DLG2: variants seen among roughly 807,000 people sequenced by gnomAD.
DLG2 encodes the protein disks large homolog 2.
Under a neutral mutation model 132.5 loss-of-function variants are expected in DLG2, and 45 were observed. That is an observed-to-expected ratio of 0.34 (90% confidence interval 0.27 to 0.44). The LOEUF (loss-of-function observed/expected upper bound fraction) is 0.44. Among genes scored for constraint, DLG2 ranks in the 20% least tolerant of loss-of-function variants. DLG2 has a pLI of 1.00. For synonymous variants in DLG2, 424 were observed against 419.6 expected (o/e 1.01, Z -0.13); for missense variants, 1,045 against 1,196.9 (o/e 0.87, Z 1.87).
At position 85,598,366 on chromosome 11, in the gene DLG2, G is replaced by A. The variant is rs368316859; in HGVS notation, c.40+291C>T. ...CAATGTTTTATAACACACTACTCAG[G>A]GTTTTCTTCTGTGTAAACTTTTCTT... On this transcript the variant is annotated intron_variant, in intron 3 of 27. Coordinates refer to ENST00000376104, the MANE Select transcript of DLG2 (RefSeq NM_001142699.3). Among the ~76,000 whole-genome samples the A allele has an allele frequency of 1.3e-3, 201 of 151,746 alleles. 1 individual carries two copies. Among genetic ancestry groups the A allele is most frequent in the African/African-American group, 4.8e-3 (199 of 41,394 alleles).
intron 3 of DLG2, among the ~76,000 whole-genome samples, chr11:85,415,702 G>T (rs907595112): frequency 8.6e-5 from 13 of 151,740 alleles, no homozygotes; most frequent in Non-Finnish European, 1.6e-4. Flanking sequence ...TTTTTGTTGG[G>T]TTTTTTTCTT....
intron 3 of DLG2, among the ~76,000 whole-genome samples, chr11:85,503,712 G>C (rs763863018): frequency 2.6e-5 from 4 of 152,046 alleles, no homozygotes; most frequent in Non-Finnish European, 4.4e-5. Flanking sequence ...TGGGAGGACA[G>C]ATTGAGTTCA....
chr11:84,653,104 A>G (rs1042708368), intron 6 of DLG2, among the ~76,000 whole-genome samples: 2 of 151,840 alleles, frequency 1.3e-5, no homozygotes, highest in Non-Finnish European at 2.9e-5. Flanking sequence ...TAATTTTTGT[A>G]TTTTTAGTAG....
At chr11:85,500,345 A>C (rs953100541) in intron 3 of DLG2, among the ~76,000 whole-genome samples, 2 of 129,742 alleles carry the variant, frequency 1.5e-5, no homozygotes, top group Non-Finnish European at 3.0e-5. Context: ...GAACAATGAG[A>C]TCACATGGAC....
chr11:84,048,835 A>G (rs1198281322), intron 11 of DLG2, among the ~76,000 whole-genome samples: 8 of 151,742 alleles, frequency 5.3e-5, no homozygotes, highest in Non-Finnish European at 1.0e-4. Context: ...CAACTTGTTA[A>G]AGAAAAAAAA....
At chr11:83,609,743 C>CA (rs199951965) in intron 19 of DLG2, among the ~76,000 whole-genome samples, 15 of 151,538 alleles carry the variant, frequency 9.9e-5, no homozygotes, top group East Asian at 3.9e-4. Context: ...TATTTCCAAG[C>CA]AAAAAAAACC....
chr11:83,603,018 CTGTG>C (rs143333731), intron 19 of DLG2, among the ~76,000 whole-genome samples: 5 of 150,016 alleles, frequency 3.3e-5, no homozygotes, highest in African/African-American at 4.9e-5. Context: ...AACCCAGTGA[CTGTG>C]TGTGTGTGTG....
intron 6 of DLG2, among the ~76,000 whole-genome samples, chr11:84,807,100 AAAATAAAAAAGCAGAG>A (rs1020485413): frequency 2.0e-5 from 3 of 152,156 alleles, no homozygotes; most frequent in African/African-American, 7.2e-5. Flanking sequence ...ACTGGAAGGC[AAAATAAAAAAGCAGAG>A]AAATAAAAAA....
intron 17 of DLG2, chr11:83,789,914 G>A: frequency 1.2e-6 from 1 of 860,862 alleles, no homozygotes; most frequent in Non-Finnish European, 1.6e-6. Flanking sequence ...TTTGTAAACT[G>A]TGTTTCAATC....
At chr11:84,510,646 T>C (rs2099254595) in intron 7 of DLG2, among the ~76,000 whole-genome samples, 1 of 152,194 alleles carries the variant, frequency 6.6e-6, no homozygotes, top group Non-Finnish European at 1.5e-5. Flanking sequence ...TTGGAACATA[T>C]TTAGTATTTT....
At chr11:83,466,247 C>T (rs966549204) in intron 26 of DLG2, among the ~76,000 whole-genome samples, 32 of 151,632 alleles carry the variant, frequency 2.1e-4, no homozygotes, top group Admixed American at 1.2e-3. Context: ...TCTGCTCTCT[C>T]TATAAAAAAT....
Position 84,902,565 on chromosome 11 carries a change from C to T in DLG2, c.357+209096G>A, listed in dbSNP as rs117881741. ...TGGTGGTATCCCCCAGGGTTCTGTCCGTAGCTATTCTCCTTTCACTTTTCA... is the reference window on the plus strand; with the variant it reads ...TGGTGGTATCCCCCAGGGTTCTGTCTGTAGCTATTCTCCTTTCACTTTTCA... On this transcript the variant is annotated intron_variant, in intron 6 of 27. Transcript: ENST00000376104. 1.7e-4 allele frequency among the ~76,000 whole-genome samples: 26 copies of T among 152,226 alleles called. No individual in the cohort carries two copies. In the East Asian group the frequency reaches 4.8e-3, roughly 28 times the overall value.
At chr11:85,018,921 A>C (rs535685154) in intron 6 of DLG2, among the ~76,000 whole-genome samples, 52 of 152,248 alleles carry the variant, frequency 3.4e-4, no homozygotes, top group African/African-American at 1.2e-3. Context: ...TCTTAAGACT[A>C]TAACACTTTT....
chr11:84,277,857 C>A (rs193190214), intron 7 of DLG2, among the ~76,000 whole-genome samples: 1 of 151,990 alleles, frequency 6.6e-6, no homozygotes, highest in Non-Finnish European at 1.5e-5. Context: ...GACATCCCTG[C>A]CAATCCTACA....
intron 19 of DLG2, among the ~76,000 whole-genome samples, chr11:83,609,640 C>T (rs977857512): frequency 6.6e-5 from 10 of 152,116 alleles, no homozygotes; most frequent in Non-Finnish European, 1.0e-4. Context: ...TTGCATGCAT[C>T]CTCCCTTCTC....
At chr11:85,083,420 T>C (rs2067496139) in intron 6 of DLG2, among the ~76,000 whole-genome samples, 1 of 152,192 alleles carries the variant, frequency 6.6e-6, no homozygotes, top group African/African-American at 2.4e-5. Flanking sequence ...TATCTGAGAC[T>C]GGTTTCAATC....
chr11:83,581,078 C>G (rs1309289987), intron 19 of DLG2, among the ~76,000 whole-genome samples: 2 of 151,588 alleles, frequency 1.3e-5, no homozygotes, highest in Non-Finnish European at 2.9e-5. Flanking sequence ...CAAACTTGTC[C>G]ACAGTTACAG....
chr11:84,127,000 T>C (rs146824987), intron 9 of DLG2, among the ~76,000 whole-genome samples: 1 of 152,302 alleles, frequency 6.6e-6, no homozygotes, highest in East Asian at 1.9e-4. Context: ...CAAACCAATC[T>C]AGAGAGCAGC....
intron 3 of DLG2, among the ~76,000 whole-genome samples, chr11:85,508,916 T>A (rs984399950): frequency 2.6e-5 from 4 of 152,104 alleles, no homozygotes; most frequent in Non-Finnish European, 5.9e-5. Context: ...GACCAACATA[T>A]ACATATATTG....
Sources: gnomAD v4.1 joint callset for allele counts (sites outside exome capture counted in the v4.1 genomes callset) on GRCh38, gnomAD v4.1.1 for gene constraint, MANE v1.5 for transcripts, NCBI Gene and HGNC (gene_info 2026-07-23, HGNC 2026-07-21) for gene names.